The following BEND2 variants were observed in gnomAD, a reference collection of about 807,000 sequenced individuals.
BEND2 encodes the protein BEN domain containing 2, also known as BEN domain-containing protein 2.
BEND2 carries 19 observed loss-of-function variants against 43.8 expected under a neutral mutation model. That is an observed-to-expected ratio of 0.43 (90% confidence interval 0.30 to 0.64). BEND2 has a LOEUF of 0.64. Among genes scored for constraint, BEND2 ranks in the 30% least tolerant of loss-of-function variants. The pLI, the probability that BEND2 is intolerant of heterozygous loss-of-function variation, is 0.11. For synonymous variants in BEND2, 226 were observed against 210.1 expected, an observed-to-expected ratio of 1.08 and a Z score of -0.66; for missense variants, 544 against 574.0, an observed-to-expected ratio of 0.95 and a Z score of 0.53.
In BEND2 at chrX:18,170,312, T is replaced by TA. The variant is rs929922824; in HGVS notation, c.2185+688dup. The stretch of plus-strand genomic sequence containing the variant: ...ATGTAGTTCTTATTATGGGTTGCAG[T>TA]AAAAAAAAAGTTTGAAACAATTGGG... On this transcript the variant is annotated intron_variant, in intron 13 of 13. Transcript: ENST00000380033. Among the ~76,000 whole-genome samples the TA allele has an allele frequency of 6.3e-5, 7 of 110,901 alleles. No individual in the cohort carries two copies. In the South Asian group the frequency reaches 2.2e-3, roughly 35 times the overall value.
intron 4 of BEND2, among the ~76,000 whole-genome samples, chrX:18,211,626 T>A (rs896525188): frequency 5.4e-5 from 6 of 110,804 alleles, no homozygotes; most frequent in African/African-American, 2.0e-4. Context: ...CTACTAAAAA[T>A]CCAAAAATTA....
At chrX:18,173,871 T>C (rs1456374562) in intron 12 of BEND2, among the ~76,000 whole-genome samples, 159 bp downstream of exon 12, 2 of 112,080 alleles carry the variant, frequency 1.8e-5, no homozygotes, top group African/African-American at 3.2e-5. Context: ...CATTAACTCA[T>C]TAATAAAAGA....
At chrX:18,172,104 TATA>T (rs1385786205) in intron 12 of BEND2, among the ~76,000 whole-genome samples, 90 of 110,980 alleles carry the variant, frequency 8.1e-4, no homozygotes, top group African/African-American at 2.9e-3. Flanking sequence ...ATATTTTACA[TATA>T]ATAATTATTT....
chrX:18,191,198 A>G, intron 7 of BEND2, 90 bp from the exon 8 acceptor site: 1 of 666,575 alleles, frequency 1.5e-6, no homozygotes, highest in Non-Finnish European at 2.2e-6. Flanking sequence ...AGGTGAAACT[A>G]TCCTTCAGGA....
chrX:18,188,922 C>G (rs1035266079), intron 8 of BEND2, among the ~76,000 whole-genome samples: 1 of 112,002 alleles, frequency 8.9e-6, no homozygotes, highest in African/African-American at 3.2e-5. Flanking sequence ...AAAGATCAGC[C>G]GGGTGCAGTG....
At chrX:18,207,877 G>T (rs1317290734) in intron 4 of BEND2, among the ~76,000 whole-genome samples, 1 of 111,513 alleles carries the variant, frequency 9.0e-6, no homozygotes, top group Non-Finnish European at 1.9e-5. Flanking sequence ...AAAGTAGCCG[G>T]GTGTGGTGGC....
At chrX:18,188,533 A>G (rs1190157746) in intron 8 of BEND2, among the ~76,000 whole-genome samples, 1 of 111,816 alleles carries the variant, frequency 8.9e-6, no homozygotes, top group African/African-American at 3.2e-5. Context: ...TCTAGAGGAA[A>G]TGTATAAATT....
rs1424455267 is a variant in BEND2, at chrX:18,180,527, C to G, written c.1412G>C (p.Cys471Ser). The G allele has an allele frequency of 8.3e-7, 1 of 1,205,373 alleles. No individual in the cohort carries two copies. Among genetic ancestry groups the G allele is most frequent in the Non-Finnish European group, 1.1e-6 (1 of 891,047 alleles). The part of the protein sequence containing the change: ...SGQDSSSSSV[C>S]IPPKYGYLGD... ...AAACTCACCATACTTGGGAGGGATA[C>G]AGACAGATGATGAGGAAGAATCCTG... The change falls in exon 9 of 14, where the codon TGT becomes TCT. Residue 471 changes from cysteine to serine, a missense_variant. Transcript: ENST00000380033.
rs1049493244 is a variant in BEND2, at chrX:18,174,116, C to T, written c.1895G>A (p.Arg632Lys). ...AGCATTACTGTTTGGCTGCAAGTTCCTCTTTTCTCTCATTTTGGAGTTATT... is the reference window on the plus strand; with the variant it reads ...AGCATTACTGTTTGGCTGCAAGTTCTTCTTTTCTCTCATTTTGGAGTTATT... ...PMNNSKMREK[R>K]NLQPNSNAIP... Residue 632 changes from arginine (R) to lysine (K), a missense_variant, in exon 12 of 14, where the codon AGG becomes AAG. Around this residue, in one of 2 missense-constraint regions of BEND2, gnomAD observed 501 missense variants for 501.6 expected, o/e 1.00. Transcript: ENST00000380033. The T allele has an allele frequency of 9.1e-6, 11 of 1,211,468 alleles. No homozygotes were observed. The highest frequency in any genetic ancestry group is 3.0e-5 in the East Asian group (1 of 33,827).
Position 18,163,207 on chromosome X carries a change from A to G in BEND2, c.*1802T>C, listed in dbSNP as rs1178652295. ...CCAGGAGTTCCAGATAAGCCTGGGC[A>G]ATATAGCAAGATCTCCATCTCAAAC... On this transcript the variant is annotated 3_prime_UTR_variant, in exon 14 of 14. Coordinates refer to ENST00000380033, the MANE Select transcript of BEND2 (RefSeq NM_153346.5). 8.9e-6 allele frequency: 1 copy of G among 111,907 alleles called. No individual in the cohort carries two copies. The highest frequency in any genetic ancestry group is 1.9e-5 in the Non-Finnish European group (1 of 53,185). The allele number at this position is 111,907 out of a possible 1,213,427, so 9.2% of individuals were successfully genotyped here.
At chrX:18,217,335 A>T (rs1272269808) in intron 1 of BEND2, among the ~76,000 whole-genome samples, 1 of 112,653 alleles carries the variant, frequency 8.9e-6, no homozygotes, top group African/African-American at 3.2e-5. Context: ...AATAAGCTTT[A>T]TTTCTTAAAG....
intron 6 of BEND2, among the ~76,000 whole-genome samples, chrX:18,197,061 A>G (rs1435614174): frequency 8.9e-6 from 1 of 112,541 alleles, no homozygotes; most frequent in Non-Finnish European, 1.9e-5. Flanking sequence ...GTAAGATGAT[A>G]TTGCTGGTAG....
At chrX:18,195,823 G>A (rs1924926959) in intron 6 of BEND2, among the ~76,000 whole-genome samples, 1 of 103,875 alleles carries the variant, frequency 9.6e-6, no homozygotes, top group Non-Finnish European at 2.0e-5. Flanking sequence ...GCTGCAGTGA[G>A]CCATGATTGC....
rs747321837 is a variant in BEND2 at position 18,164,978 on chromosome X, A to T, written c.*31T>A. The T allele has an allele frequency of 2.2e-4, 28 of 125,165 alleles. No homozygotes were observed. The highest frequency in any genetic ancestry group is 5.2e-4 in the East Asian group (2 of 3,875). The allele number at this position is 125,165 out of a possible 1,213,427, so 10.3% of individuals were successfully genotyped here. On this transcript the variant is annotated 3_prime_UTR_variant, in exon 14 of 14. Coordinates refer to ENST00000380033, the MANE Select transcript of BEND2 (RefSeq NM_153346.5). ...AACTTACAAAATAGTCTTAACAGTT[A>T]AAAAAAAAAAAAAAGTTTGGCAGCT...
intron 10 of BEND2, among the ~76,000 whole-genome samples, chrX:18,177,300 G>A (rs1351220670): frequency 4.9e-5 from 4 of 81,408 alleles, no homozygotes; most frequent in Admixed American, 1.8e-4. Flanking sequence ...CAGGGCTAAA[G>A]AATTGACTTA....
chrX:18,192,781 C>G (rs942461905), intron 7 of BEND2, among the ~76,000 whole-genome samples: 1 of 112,051 alleles, frequency 8.9e-6, no homozygotes, highest in East Asian at 2.8e-4. Flanking sequence ...TTAAGGACCA[C>G]TCATACATCC....
rs747578776 is a variant in BEND2, at chrX:18,182,932, C to T, written c.1289-2282G>A. On this transcript the variant is annotated intron_variant, in intron 8 of 13. Transcript: ENST00000380033. The stretch of plus-strand genomic sequence containing the variant: ...TAGTACACGCCTATAGTTCCAGCTA[C>T]TCAGGAGGCTGAGGTGCGAGAATCA... Among the ~76,000 whole-genome samples, 18 of 107,231 alleles carry T rather than the reference C, an allele frequency of 1.7e-4. No homozygotes were observed. The South Asian group carries it at 6.4e-3, about 38-fold the overall frequency. 93.1% of individuals were successfully genotyped at this position (107,231 alleles called of 115,157 possible).
Position 18,217,652 on chromosome X carries a change from C to G in BEND2, c.26-919G>C, listed in dbSNP as rs188595341. ...GTTTTTTTAAGAGTCACTCTGAAGT[C>G]TACTTAATAGTCTTCATGGAAAAAA... On this transcript the variant is annotated intron_variant, in intron 1 of 13. Coordinates refer to ENST00000380033, the MANE Select transcript of BEND2 (RefSeq NM_153346.5). Among the ~76,000 whole-genome samples the G allele has an allele frequency of 3.8e-3, 424 of 111,020 alleles. 4 individuals are homozygous for G. The highest frequency in any genetic ancestry group is 0.013 in the African/African-American group (384 of 30,530).
chrX:18,165,896 G>C (rs745705080), intron 13 of BEND2, among the ~76,000 whole-genome samples: 2 of 111,909 alleles, frequency 1.8e-5, no homozygotes, highest in South Asian at 7.6e-4. Flanking sequence ...CTTGGAAAAA[G>C]ATCTGGTGAT....
Sources: allele counts gnomAD v4.1 joint callset (sites outside exome capture counted in the v4.1 genomes callset), GRCh38; gene constraint gnomAD v4.1.1; regional missense constraint gnomAD v4.1.1; transcripts MANE v1.5; gene names NCBI Gene and HGNC (gene_info 2026-07-23, HGNC 2026-07-21).